ZNF804A: variants seen among roughly 807,000 people sequenced by gnomAD.
ZNF804A encodes the protein zinc finger protein 804A.
Under a neutral mutation model 16.5 loss-of-function variants are expected in ZNF804A, and 2 were observed. The observed-to-expected ratio is 0.12, with a 90% CI of 0.05 to 0.38. The LOEUF (loss-of-function observed/expected upper bound fraction) is 0.38. Among genes scored for constraint, ZNF804A ranks in the 10% least tolerant of loss-of-function variants. ZNF804A has a pLI of 0.99. For missense variants in ZNF804A, 1,473 were observed against 1,390.7 expected, an observed-to-expected ratio of 1.06 and a Z score of -0.94; for synonymous variants, 534 against 489.6, an observed-to-expected ratio of 1.09 and a Z score of -1.20.
At chr2:184,886,774 C>T (rs1405003867) in intron 2 of ZNF804A, among the ~76,000 whole-genome samples, 1 of 152,226 alleles carries the variant, frequency 6.6e-6, no homozygotes, top group African/African-American at 2.4e-5. Flanking sequence ...AGCTGGGACA[C>T]AGGTCACCAA....
intron 1 of ZNF804A, among the ~76,000 whole-genome samples, chr2:184,830,278 A>G (rs901000848): frequency 1.3e-5 from 2 of 152,192 alleles, no homozygotes; most frequent in Non-Finnish European, 2.9e-5. Flanking sequence ...ATTTGTGTCT[A>G]TTAAATGGAC....
At chr2:184,786,044 CA>C (rs2105776292) in intron 1 of ZNF804A, among the ~76,000 whole-genome samples, 1 of 152,044 alleles carries the variant, frequency 6.6e-6, no homozygotes, top group South Asian at 2.1e-4. Flanking sequence ...GTATGAAAAT[CA>C]GTAATAATAT....
intron 2 of ZNF804A, among the ~76,000 whole-genome samples, chr2:184,898,863 A>C (rs1685131453): frequency 6.6e-6 from 1 of 151,996 alleles, no homozygotes; most frequent in African/African-American, 2.4e-5. Flanking sequence ...GATTGTTTAC[A>C]ACATAAATTT....
intron 1 of ZNF804A, among the ~76,000 whole-genome samples, chr2:184,766,283 T>C (rs917450745): frequency 6.6e-6 from 1 of 152,146 alleles, no homozygotes; most frequent in Non-Finnish European, 1.5e-5. Flanking sequence ...GTTTTGAATC[T>C]TAATAGATAA....
intron 1 of ZNF804A, among the ~76,000 whole-genome samples, chr2:184,706,668 C>A (rs1185416451): frequency 1.3e-5 from 2 of 152,106 alleles, no homozygotes; most frequent in Non-Finnish European, 2.9e-5. Flanking sequence ...TGTGAAATAC[C>A]TGACCATCAG....
In ZNF804A at chr2:184,856,363, T is replaced by A. The variant is rs553999647; in HGVS notation, c.112-10006T>A. On this transcript the variant is annotated intron_variant, in intron 1 of 3. Coordinates refer to ENST00000302277, the MANE Select transcript of ZNF804A (RefSeq NM_194250.2). ...GTTTCTTTTTATCTAAAAAAAAAAA[T>A]GATGTACAGTAATCTCTTAATGAAA... Among the ~76,000 whole-genome samples, 26 of 151,752 alleles carry A rather than the reference T, an allele frequency of 1.7e-4. 1 individual carries two copies. The highest frequency in any genetic ancestry group is 3.2e-4 in the Non-Finnish European group (22 of 67,882).
At chr2:184,619,384 A>G (rs1442768353) in intron 1 of ZNF804A, among the ~76,000 whole-genome samples, 1 of 151,942 alleles carries the variant, frequency 6.6e-6, no homozygotes, top group Non-Finnish European at 1.5e-5. Context: ...TATGAATAGA[A>G]TTGGATCATT....
At chr2:184,695,075 C>T (rs537411062) in intron 1 of ZNF804A, among the ~76,000 whole-genome samples, 42 of 152,324 alleles carry the variant, frequency 2.8e-4, no homozygotes, top group African/African-American at 9.1e-4. Context: ...TACAGACCTA[C>T]AAACCCACCT....
At chr2:184,742,491 A>G (rs1249630991) in intron 1 of ZNF804A, among the ~76,000 whole-genome samples, 1 of 152,000 alleles carries the variant, frequency 6.6e-6, no homozygotes, top group Non-Finnish European at 1.5e-5. Flanking sequence ...GATTCTGACA[A>G]CCTATCACCT....
chr2:184,687,510 A>G (rs1165942404), intron 1 of ZNF804A, among the ~76,000 whole-genome samples: 3 of 152,230 alleles, frequency 2.0e-5, no homozygotes, highest in African/African-American at 4.8e-5. Context: ...GTAAACTGTG[A>G]TTTATACTTA....
At chr2:184,788,431 T>A (rs953517901) in intron 1 of ZNF804A, among the ~76,000 whole-genome samples, 30 of 152,136 alleles carry the variant, frequency 2.0e-4, no homozygotes, top group Non-Finnish European at 3.8e-4. Flanking sequence ...TCGGGTAGAA[T>A]GGTAATTTGA....
chr2:184,702,021 T>A lies in ZNF804A; in HGVS notation c.111+102951T>A, dbSNP rs573363329. Among the ~76,000 whole-genome samples, 3 of 152,092 alleles carry A rather than the reference T, an allele frequency of 2.0e-5. No homozygotes were observed. In the Middle Eastern group the frequency reaches 0.01, roughly 517 times the overall value. On this transcript the variant is annotated intron_variant, in intron 1 of 3. Transcript: ENST00000302277. ...TTATAGGTCTTTGGAGAAATTTGTC[T>A]GTATTTTTATTTTAAAATAAGAGCT...
intron 1 of ZNF804A, among the ~76,000 whole-genome samples, chr2:184,633,648 T>C (rs928319146): frequency 2.0e-5 from 3 of 152,204 alleles, no homozygotes; most frequent in Non-Finnish European, 4.4e-5. Context: ...ATATTTGAAA[T>C]CCAACTTAGA....
chr2:184,709,706 A>G (rs1163894685), intron 1 of ZNF804A, among the ~76,000 whole-genome samples: 4 of 151,432 alleles, frequency 2.6e-5, no homozygotes, highest in South Asian at 2.1e-4. Context: ...TTCCAAAATA[A>G]TGATTTTTGC....
intron 1 of ZNF804A, among the ~76,000 whole-genome samples, chr2:184,835,452 T>C (rs2105797586): frequency 1.3e-5 from 2 of 152,184 alleles, no homozygotes; most frequent in South Asian, 4.1e-4. Flanking sequence ...TTCTGGATGT[T>C]GCCATAGCAA....
intron 2 of ZNF804A, among the ~76,000 whole-genome samples, chr2:184,923,174 A>G (rs1165772433): frequency 6.6e-6 from 1 of 151,960 alleles, no homozygotes; most frequent in Non-Finnish European, 1.5e-5. Flanking sequence ...GGTTCTTTCA[A>G]TCCATGAAAA....
chr2:184,658,536 GAAGAGTATTT>G (rs1266018266), intron 1 of ZNF804A, among the ~76,000 whole-genome samples: 11 of 151,950 alleles, frequency 7.2e-5, no homozygotes, highest in Non-Finnish European at 1.3e-4. Context: ...TTTTTCTGGG[GAAGAGTATTT>G]AAGAGTATTT....
intron 2 of ZNF804A, among the ~76,000 whole-genome samples, chr2:184,929,294 A>G (rs60971439): frequency 0.019 from 2,855 of 152,172 alleles, 94 homozygotes; most frequent in African/African-American, 0.064. Context: ...CTAAACCTCA[A>G]TGGTTACTTT....
chr2:184,727,486 T>C (rs1419778768), intron 1 of ZNF804A, among the ~76,000 whole-genome samples: 2 of 151,692 alleles, frequency 1.3e-5, no homozygotes, highest in Admixed American at 1.3e-4. Context: ...ATTATTTTTC[T>C]ACTAACTCAT....
Sources: gnomAD v4.1 joint callset for allele counts (sites outside exome capture counted in the v4.1 genomes callset) on GRCh38, gnomAD v4.1.1 for gene constraint, MANE v1.5 for transcripts, NCBI Gene and HGNC (gene_info 2026-07-23, HGNC 2026-07-21) for gene names.